The following STT3B variants were observed in gnomAD, a reference collection of about 807,000 sequenced individuals.
STT3B encodes dolichyl-diphosphooligosaccharide--protein glycosyltransferase subunit STT3B.
In STT3B, 29 loss-of-function variants were observed where a neutral mutation model predicts 96.8. The ratio of observed to expected loss-of-function variants is 0.30; its 90% CI spans 0.22 to 0.41. The LOEUF (loss-of-function observed/expected upper bound fraction) is 0.41. Ranked by LOEUF, STT3B falls within the 10% of genes least tolerant of loss-of-function variation. The probability of loss-of-function intolerance (pLI) is 1.00; values close to 1 mark genes in which losing one functional copy is unlikely to be tolerated. For synonymous variants in STT3B, 367 were observed against 360.0 expected (o/e 1.02, Z -0.22); for missense variants, 640 against 1,022.3 (o/e 0.63, Z 5.10).
rs1398547695 is a variant in STT3B, at chr3:31,617,953, A to G, written c.1137A>G (p.Pro379=). 3 of 1,605,750 alleles carry G rather than the reference A, an allele frequency of 1.9e-6. No individual in the cohort carries two copies. The highest frequency in any genetic ancestry group is 2.2e-5 in the East Asian group (1 of 44,740). The change falls in exon 8 of 16, where the codon CCA becomes CCG. Residue 379 remains proline, a synonymous_variant. Coordinates refer to ENST00000295770, the MANE Select transcript of STT3B (RefSeq NM_178862.3). ...TTTCCTTCCAAGGTTACATTGCACC[A>G]TGGAGTGGCAGGTTTTATTCATTGT... The part of the protein sequence containing the change: ...IYLTYTGYIA[P]WSGRFYSLWD...
chr3:31,587,708 C>T (rs1332087413), intron 3 of STT3B, among the ~76,000 whole-genome samples: 7 of 152,036 alleles, frequency 4.6e-5, no homozygotes, highest in Non-Finnish European at 1.0e-4. Flanking sequence ...TGATGAATAA[C>T]GCTTCTGTGA....
intron 1 of STT3B, among the ~76,000 whole-genome samples, chr3:31,552,846 G>T (rs929959006): frequency 6.6e-6 from 1 of 152,160 alleles, no homozygotes; most frequent in Non-Finnish European, 1.5e-5. Context: ...GCTCACGCCT[G>T]TAATCCCAGC....
chr3:31,543,675 G>A (rs1697335775), intron 1 of STT3B, among the ~76,000 whole-genome samples: 1 of 152,318 alleles, frequency 6.6e-6, no homozygotes, highest in South Asian at 2.1e-4. Flanking sequence ...CTTTATAGAA[G>A]AAGGGAAGAG....
intron 13 of STT3B, among the ~76,000 whole-genome samples, chr3:31,628,327 G>A (rs1228377859): frequency 1.3e-5 from 2 of 152,084 alleles, no homozygotes; most frequent in Non-Finnish European, 2.9e-5. Flanking sequence ...ATGTCTTGGT[G>A]ATTTTTCCAT....
At chr3:31,602,194 A>T (rs1415170657) in intron 5 of STT3B, among the ~76,000 whole-genome samples, 1 of 152,156 alleles carries the variant, frequency 6.6e-6, no homozygotes, top group Non-Finnish European at 1.5e-5. Context: ...TCTCGTTTAA[A>T]CAAATAACCG....
intron 1 of STT3B, among the ~76,000 whole-genome samples, chr3:31,567,382 T>C (rs903743164): frequency 6.6e-6 from 1 of 152,194 alleles, no homozygotes; most frequent in Non-Finnish European, 1.5e-5. Flanking sequence ...TCTTTTCTGT[T>C]TGTTGGATTT....
intron 3 of STT3B, among the ~76,000 whole-genome samples, chr3:31,586,990 TC>T (rs1698554021): frequency 6.6e-6 from 1 of 152,166 alleles, no homozygotes; most frequent in East Asian, 1.9e-4. Context: ...AGTCTTCTGA[TC>T]TGTGAATATG....
rs145648584 is a variant in STT3B at position 31,579,991 on chromosome 3, T to C, written c.606T>C (p.Ala202=). 1.2e-6 allele frequency: 2 copies of C among 1,613,810 alleles called. No homozygotes were observed. The highest frequency in any genetic ancestry group is 2.7e-5 in the African/African-American group (2 of 74,918). ...LWNQGAGLLA[A]CFIAIVPGYI... is the part of the protein sequence containing the mutation. ...ACCAAGGAGCAGGACTTTTAGCTGC[T>C]TGTTTTATTGCTATTGTACCAGGCT... Residue 202 remains alanine, a synonymous_variant, in exon 3 of 16, where the codon GCT becomes GCC. Coordinates refer to ENST00000295770, the MANE Select transcript of STT3B (RefSeq NM_178862.3).
Position 31,534,407 on chromosome 3 carries a change from CT to C in STT3B, c.314+1096del, listed in dbSNP as rs533498119. Among the ~76,000 whole-genome samples, 96 of 152,210 alleles carry C rather than the reference CT, an allele frequency of 6.3e-4. 1 individual carries two copies. The highest frequency in any genetic ancestry group is 2.1e-3 in the African/African-American group (88 of 41,522). On this transcript the variant is annotated intron_variant, in intron 1 of 15. Transcript: ENST00000295770. ...CCAACCCGAGTTAGGATTTTTCCCC[CT>C]GAGTTAGGATTTTCCCCTCTGAGAG...
At chr3:31,549,743 G>A in intron 1 of STT3B, among the ~76,000 whole-genome samples, 1 of 151,952 alleles carries the variant, frequency 6.6e-6, no homozygotes, top group African/African-American at 2.4e-5. Context: ...AATATAACAT[G>A]TTTACATATA....
intron 3 of STT3B, among the ~76,000 whole-genome samples, chr3:31,596,028 C>T (rs1008174119): frequency 1.3e-5 from 2 of 152,198 alleles, no homozygotes; most frequent in Non-Finnish European, 2.9e-5. Context: ...TATCTTATCT[C>T]CACAGTACAG....
At chr3:31,610,664 C>T (rs1699162144) in intron 5 of STT3B, among the ~76,000 whole-genome samples, 2 of 152,124 alleles carry the variant, frequency 1.3e-5, no homozygotes, top group Admixed American at 1.3e-4. Context: ...TCTGTCTCGT[C>T]CCACCCTTGG....
At chr3:31,564,031 C>G (rs550153211) in intron 1 of STT3B, among the ~76,000 whole-genome samples, 1 of 152,036 alleles carries the variant, frequency 6.6e-6, no homozygotes, top group Non-Finnish European at 1.5e-5. Context: ...GAACATGAAC[C>G]GGGACCCAAA....
At chr3:31,551,226 T>TTGG (rs1559361681) in intron 1 of STT3B, among the ~76,000 whole-genome samples, 10 of 152,014 alleles carry the variant, frequency 6.6e-5, no homozygotes, top group South Asian at 6.2e-4. Flanking sequence ...TGTTTGTTTG[T>TTGG]TTGGTTTTTG....
intron 2 of STT3B, among the ~76,000 whole-genome samples, chr3:31,577,536 CCTT>C (rs1188758004): frequency 6.6e-6 from 1 of 152,076 alleles, no homozygotes; most frequent in African/African-American, 2.4e-5. Context: ...TTAGAGAACA[CCTT>C]CTATGTAATT....
chr3:31,609,175 TGTG>T (rs1168555474), intron 5 of STT3B, among the ~76,000 whole-genome samples: 13 of 152,268 alleles, frequency 8.5e-5, no homozygotes, highest in Middle Eastern at 3.4e-3. Flanking sequence ...CAACATGACT[TGTG>T]GTAACAGGAT....
chr3:31,572,182 GATAT>G (rs906570760), intron 1 of STT3B, among the ~76,000 whole-genome samples: 2 of 141,322 alleles, frequency 1.4e-5, no homozygotes, highest in South Asian at 4.3e-4. Flanking sequence ...TTATATATGA[GATAT>G]ATAATATATA....
chr3:31,552,577 G>A (rs1179717105), intron 1 of STT3B, among the ~76,000 whole-genome samples: 5 of 151,830 alleles, frequency 3.3e-5, no homozygotes, highest in Admixed American at 1.3e-4. Context: ...TTTTCTGTTA[G>A]CATTATGAAA....
intron 11 of STT3B, among the ~76,000 whole-genome samples, chr3:31,624,179 G>A (rs991773507): frequency 2.0e-5 from 3 of 151,726 alleles, no homozygotes; most frequent in African/African-American, 7.3e-5. Context: ...AATTATTTTT[G>A]ACTGTAATCA....
Sources: gnomAD v4.1 joint callset for allele counts (sites outside exome capture counted in the v4.1 genomes callset) on GRCh38, gnomAD v4.1.1 for gene constraint, MANE v1.5 for transcripts, NCBI Gene and HGNC (gene_info 2026-07-23, HGNC 2026-07-21) for gene names.